The following PHLPP2 variants were observed in gnomAD, a reference collection of about 807,000 sequenced individuals.
PHLPP2 encodes the protein PH domain and leucine rich repeat protein phosphatase 2, also known as PH domain leucine-rich repeat-containing protein phosphatase 2.
PHLPP2 carries 66 observed loss-of-function variants against 124.9 expected under a neutral mutation model. The ratio of observed to expected loss-of-function variants is 0.53; its 90% CI spans 0.43 to 0.65. The LOEUF is 0.65. PHLPP2 is among the 30% of genes least tolerant of loss of function. PHLPP2 has a pLI of 0.00. For synonymous variants in PHLPP2, 681 were observed against 624.7 expected (o/e 1.09, Z -1.34); for missense variants, 1,685 against 1,600.4 (o/e 1.05, Z -0.90).
rs61733127 is a variant in PHLPP2 at position 71,649,815 on chromosome 16, A to G, written c.3047T>C (p.Leu1016Ser). 0.14 allele frequency: 219,972 copies of G among 1,613,990 alleles called. 16,110 individuals carry two copies. Among genetic ancestry groups the G allele is most frequent in the Non-Finnish European group, 0.15 (174,205 of 1,179,848 alleles). ...GTCCTGACAGCCATAGCTCTGCGCT[A>G]ATGTGCACAGCTTCTTAGCAGCTGC... Reference protein sequence around the residue: ...PLAAAKKLCTLAQSYGCQDNV... With the variant: ...PLAAAKKLCTSAQSYGCQDNV... Residue 1016 changes from leucine (L) to serine (S), a missense_variant, in exon 19 of 19, where the codon TTA becomes TCA. Coordinates refer to ENST00000568954, the MANE Select transcript of PHLPP2 (RefSeq NM_015020.3).
intron 13 of PHLPP2, 58 bp downstream of exon 13, chr16:71,663,841 G>T: frequency 1.5e-6 from 2 of 1,322,614 alleles, no homozygotes; most frequent in South Asian, 2.4e-5. Flanking sequence ...TATTTTTTCT[G>T]ACAAATATAG....
At position 71,655,449 on chromosome 16, in the gene PHLPP2, TGAAAACA is replaced by T. The variant is rs752127472; in HGVS notation, c.2391-22_2391-16del. On this transcript the variant is annotated splice_polypyrimidine_tract_variant and intron_variant, in intron 16 of 18. Transcript: ENST00000568954. ...AGACACACAGCCTATAATAGAAACATGAAAACAGAAAACAGAAAAGTTACTGGTAAAA... is the reference window on the plus strand; with the variant it reads ...AGACACACAGCCTATAATAGAAACATGAAAACAGAAAAGTTACTGGTAAAA... 1.4e-5 allele frequency: 22 copies of T among 1,584,050 alleles called. No homozygotes were observed. The highest frequency in any genetic ancestry group is 1.7e-5 in the Non-Finnish European group (20 of 1,159,822).
intron 18 of PHLPP2, among the ~76,000 whole-genome samples, chr16:71,650,474 A>G (rs909139880): frequency 6.6e-5 from 10 of 152,232 alleles, no homozygotes; most frequent in Non-Finnish European, 1.0e-4. Flanking sequence ...AAAGATACCA[A>G]TGGCAAAGAC....
intron 15 of PHLPP2, among the ~76,000 whole-genome samples, chr16:71,657,507 G>A (rs2044752364): frequency 6.6e-6 from 1 of 151,656 alleles, no homozygotes; most frequent in South Asian, 2.1e-4. Flanking sequence ...CCATTCTCCT[G>A]CCTCAGCCTC....
Position 71,679,370 on chromosome 16 carries a change from T to G in PHLPP2, c.1037+19A>C, listed in dbSNP as rs1282579807. The G allele has an allele frequency of 6.2e-7, 1 of 1,609,370 alleles. No homozygotes were observed. Among genetic ancestry groups the G allele is most frequent in the East Asian group, 2.2e-5 (1 of 44,840 alleles). On this transcript the variant is annotated intron_variant, in intron 7 of 18. Transcript: ENST00000568954. The stretch of plus-strand genomic sequence containing the variant: ...CTTATTCTGCAAGGGAAAAGAGGAA[T>G]CTAGTAAAAGTTACTTACTTTAGCA...
At chr16:71,703,709 T>C (rs1375531446) in intron 2 of PHLPP2, among the ~76,000 whole-genome samples, 1 of 152,212 alleles carries the variant, frequency 6.6e-6, no homozygotes, top group Non-Finnish European at 1.5e-5. Flanking sequence ...ATATTTACTC[T>C]CACTGTTTTA....
intron 1 of PHLPP2, among the ~76,000 whole-genome samples, chr16:71,720,292 A>AT (rs1041827467): frequency 1.3e-5 from 2 of 151,766 alleles, no homozygotes; most frequent in Non-Finnish European, 2.9e-5. Context: ...TTTTAAAAAT[A>AT]TTTTTAGCAG....
At position 71,679,479 on chromosome 16, in the gene PHLPP2, A is replaced by G; in HGVS notation, c.947T>C (p.Ile316Thr). The G allele has an allele frequency of 6.2e-7, 1 of 1,613,776 alleles. No homozygotes were observed. Among genetic ancestry groups the G allele is most frequent in the East Asian group, 2.2e-5 (1 of 44,866 alleles). Reference protein sequence around the residue: ...LSHNKLGLFPILLCEISTLTE... With the variant: ...LSHNKLGLFPTLLCEISTLTE... ...CAGGGTAGAGATCTCGCATAACAAT[A>G]TAGGAAACAACCCAAGTTTATTATG... is the stretch of plus-strand genomic sequence containing the variant. The change falls in exon 7 of 19, where the codon ATA (isoleucine) becomes ACA (threonine). Residue 316 changes from isoleucine (I) to threonine (T), a missense_variant. Transcript: ENST00000568954.
rs1305412890 is a variant in PHLPP2, at chr16:71,690,434, T to C, written c.609+85A>G. On this transcript the variant is annotated intron_variant, in intron 4 of 18. Transcript: ENST00000568954. ...CCATACTGGCTTCTTTGAAAAGATA[T>C]GACTAAAAGCTATGAAAAGCATTAT... 6 of 939,438 alleles carry C rather than the reference T, an allele frequency of 6.4e-6. No individual in the cohort carries two copies. In the Admixed American group the frequency reaches 1.1e-4, roughly 17 times the overall value. 58.2% of individuals were successfully genotyped at this position (939,438 alleles called of 1,614,324 possible). A position where few individuals can be genotyped will look rare whatever the true frequency, so the allele number is the denominator to read the frequency against.
At chr16:71,702,075 GT>G (rs1476315137) in intron 3 of PHLPP2, among the ~76,000 whole-genome samples, 5 of 151,994 alleles carry the variant, frequency 3.3e-5, no homozygotes, top group Non-Finnish European at 5.9e-5. Flanking sequence ...CCAAGTTTTT[GT>G]TTTTTTAACT....
In PHLPP2 at chr16:71,647,996, T is replaced by G. The variant is rs2044665674; in HGVS notation, c.*894A>C. On this transcript the variant is annotated 3_prime_UTR_variant, in exon 19 of 19. Coordinates refer to ENST00000568954, the MANE Select transcript of PHLPP2 (RefSeq NM_015020.3). Reference sequence around the variant, plus strand: ...GAGTGCAGATTCAAAAATAAAAAGTTCACAGTCAATGAAAAGTGCTCTCAT... The same window carrying G: ...GAGTGCAGATTCAAAAATAAAAAGTGCACAGTCAATGAAAAGTGCTCTCAT... 6.6e-6 allele frequency: 1 copy of G among 152,634 alleles called. No individual in the cohort carries two copies. The highest frequency in any genetic ancestry group is 1.5e-5 in the Non-Finnish European group (1 of 68,038). The allele number at this position is 152,634 out of a possible 1,614,324, so 9.5% of individuals were successfully genotyped here. A position where few individuals can be genotyped will look rare whatever the true frequency, so the allele number is the denominator to read the frequency against.
At chr16:71,723,844 G>C (rs1324073780) in intron 1 of PHLPP2, 1 of 1,226,874 alleles carries the variant, frequency 8.2e-7, no homozygotes, top group African/African-American at 1.6e-5. Context: ...GCGGGCCCGC[G>C]GGCCCCGGCT....
chr16:71,667,565 A>T (rs1338385002), intron 11 of PHLPP2, among the ~76,000 whole-genome samples: 1 of 152,242 alleles, frequency 6.6e-6, no homozygotes, highest in Non-Finnish European at 1.5e-5. Context: ...TAATGAAGGC[A>T]AACAGCACAG....
intron 3 of PHLPP2, among the ~76,000 whole-genome samples, chr16:71,694,664 T>C (rs534492131): frequency 1.3e-5 from 2 of 151,980 alleles, no homozygotes; most frequent in African/African-American, 2.4e-5. Flanking sequence ...CAGAAACATG[T>C]ACAAAAATAT....
chr16:71,670,695 AACACACACACAC>A (rs71153651), intron 10 of PHLPP2, among the ~76,000 whole-genome samples: 1 of 128,940 alleles, frequency 7.8e-6, no homozygotes, highest in African/African-American at 3.0e-5. Flanking sequence ...AGAGGCTGAA[AACACACACACAC>A]ACACACACAC....
In PHLPP2 at chr16:71,724,350, C is replaced by G. The variant is rs983457825; in HGVS notation, c.-28G>C. On this transcript the variant is annotated 5_prime_UTR_variant, in exon 1 of 19. Coordinates refer to ENST00000568954, the MANE Select transcript of PHLPP2 (RefSeq NM_015020.3). ...TCACCTTGGCAAGGCCTTTTCTCTT[C>G]CTTATCAGAGATGCGTGCGACCTTC... The G allele has an allele frequency of 4.6e-5, 7 of 152,236 alleles. No homozygotes were observed. The highest frequency in any genetic ancestry group is 1.7e-4 in the African/African-American group (7 of 41,454). The allele number at this position is 152,236 out of a possible 1,614,324, so 9.4% of individuals were successfully genotyped here.
chr16:71,710,929 T>TA (rs1177616076), intron 2 of PHLPP2, among the ~76,000 whole-genome samples: 1 of 152,224 alleles, frequency 6.6e-6, no homozygotes, highest in Non-Finnish European at 1.5e-5. Flanking sequence ...ATCCAATCTC[T>TA]AAACCATTGC....
chr16:71,675,098 T>C (rs908019687), intron 9 of PHLPP2, among the ~76,000 whole-genome samples: 6 of 152,314 alleles, frequency 3.9e-5, no homozygotes, highest in Admixed American at 3.3e-4. Context: ...ATCAGGAAAC[T>C]TCTAGAATAT....
intron 15 of PHLPP2, among the ~76,000 whole-genome samples, chr16:71,657,083 C>T (rs980274368): frequency 6.6e-6 from 1 of 152,100 alleles, no homozygotes; most frequent in Non-Finnish European, 1.5e-5. Flanking sequence ...GCTGGGATTA[C>T]AGGCACCTGC....
Sources: gnomAD v4.1 joint callset for allele counts (sites outside exome capture counted in the v4.1 genomes callset) on GRCh38, gnomAD v4.1.1 for gene constraint, MANE v1.5 for transcripts, NCBI Gene and HGNC (gene_info 2026-07-23, HGNC 2026-07-21) for gene names.